AHNAK: variants seen among roughly 807,000 people sequenced by gnomAD.
The protein encoded by AHNAK is AHNAK nucleoprotein, also known as neuroblast differentiation-associated protein AHNAK.
A neutral mutation model predicts 37.8 loss-of-function variants in AHNAK; 23 were observed. That is an observed-to-expected ratio of 0.61 (90% confidence interval 0.44 to 0.86). The LOEUF (loss-of-function observed/expected upper bound fraction) is 0.86. AHNAK is among the 40% of genes least tolerant of loss of function. The pLI is 0.00. For missense variants in AHNAK, 7,411 were observed against 7,319.4 expected, an observed-to-expected ratio of 1.01 and a Z score of -0.46; for synonymous variants, 2,481 against 2,636.3, an observed-to-expected ratio of 0.94 and a Z score of 1.80.
At chr11:62,484,481 G>C (rs1341282791) in intron 5 of AHNAK, among the ~76,000 whole-genome samples, 2 of 152,154 alleles carry the variant, frequency 1.3e-5, no homozygotes, top group Admixed American at 6.5e-5. Context: ...GATCTCTTGC[G>C]AGGTGACATT....
chr11:62,433,600 T>C (rs1042228212), exon 6 of AHNAK: 1 of 528,948 alleles, frequency 1.9e-6, no homozygotes, highest in South Asian at 2.7e-5. Flanking sequence ...CTGAGCACCA[T>C]AGTTGCCAAA....
In AHNAK at chr11:62,529,177, C is replaced by A. The variant is rs373782051; in HGVS notation, c.5240G>T (p.Ser1747Ile). 8.1e-6 allele frequency: 13 copies of A among 1,614,100 alleles called. No homozygotes were observed. Among genetic ancestry groups the A allele is most frequent in the Non-Finnish European group, 1.1e-5 (13 of 1,180,052 alleles). ...PKADIDVSGP[S>I]VDTDAPDLDI... ...CAAATCAGGAGCATCAGTGTCCACA[C>A]TGGGTCCAGACACATCAATGTCAGC... Residue 1747 changes from serine to isoleucine, a missense_variant, in exon 5 of 5, where the codon AGT becomes ATT. Ser to Ile is a moderately radical substitution (Grantham distance 142). Coordinates refer to ENST00000378024, the MANE Select transcript of AHNAK (RefSeq NM_001620.3).
chr11:62,525,798 G>A lies in AHNAK; in HGVS notation c.8619C>T (p.Gly2873=), dbSNP rs750444441. 1.3e-5 allele frequency: 21 copies of A among 1,613,702 alleles called. No individual in the cohort carries two copies. Among genetic ancestry groups the A allele is most frequent in the Non-Finnish European group, 1.8e-5 (21 of 1,179,956 alleles). Reference sequence around the variant, plus strand: ...CTGGGACATCAATGTCCACTTTGGGGCCTTTGAGGTCAACTTCAGGACCTT... The same window carrying A: ...CTGGGACATCAATGTCCACTTTGGGACCTTTGAGGTCAACTTCAGGACCTT... ...DLKGPEVDLK[G]PKVDIDVPDV... The change falls in exon 5 of 5, where the codon GGC becomes GGT. Residue 2873 remains glycine (G), a synonymous_variant. Transcript: ENST00000378024.
At position 62,536,501 on chromosome 11, in the gene AHNAK, T is replaced by TTTTTTTAATGATACG; in HGVS notation, c.-34_-33insCGTATCATTAAAAAA. The TTTTTTTAATGATACG allele has an allele frequency of 6.1e-6, 1 of 165,054 alleles. No individual in the cohort carries two copies. The highest frequency in any genetic ancestry group is 1.3e-5 in the Non-Finnish European group (1 of 76,808). 10.2% of individuals were successfully genotyped at this position (165,054 alleles called of 1,614,324 possible). A position where few individuals can be genotyped will look rare whatever the true frequency, so the allele number is the denominator to read the frequency against. On this transcript the variant is annotated 5_prime_UTR_variant, in exon 2 of 5. Coordinates refer to ENST00000378024, the MANE Select transcript of AHNAK (RefSeq NM_001620.3). The stretch of plus-strand genomic sequence containing the variant: ...GGATTCCGCTCAGGAGCGAATGCCT[T>TTTTTTTAATGATACG]GCCAGGAGCCCGCCCCTCCTTCCTC...
intron 5 of AHNAK, among the ~76,000 whole-genome samples, chr11:62,440,258 A>G (rs1014255945): frequency 2.0e-5 from 3 of 152,070 alleles, no homozygotes; most frequent in Non-Finnish European, 4.4e-5. Flanking sequence ...TCATTTTACG[A>G]TGAGGAAACG....
At chr11:62,438,688 C>A (rs1001458266) in intron 5 of AHNAK, among the ~76,000 whole-genome samples, 1 of 152,064 alleles carries the variant, frequency 6.6e-6, no homozygotes, top group Non-Finnish European at 1.5e-5. Flanking sequence ...ATCGATTTTT[C>A]TTCTGTGGTT....
chr11:62,510,528 G>C (rs1939890798), intron 4 of AHNAK, among the ~76,000 whole-genome samples: 1 of 151,918 alleles, frequency 6.6e-6, no homozygotes, highest in African/African-American at 2.4e-5. Flanking sequence ...TGGATTACCT[G>C]AGGTCAGGAG....
In AHNAK at chr11:62,533,323, C is replaced by A. The variant is rs201078275; in HGVS notation, c.1094G>T (p.Gly365Val). 340 of 1,542,340 alleles carry A rather than the reference C, an allele frequency of 2.2e-4. 2 individuals are homozygous for A. In the Middle Eastern group the frequency reaches 0.01, roughly 47 times the overall value. Reference protein sequence around the residue: ...EVSVPSANIEGLEGKLKGPQI... With the variant: ...EVSVPSANIEVLEGKLKGPQI... ...GGGGCCCTTCAGCTTCCCCTCAAGG[C>A]CCTCAATATTGGCAGAGGGCACACT... Residue 365 changes from glycine (G) to valine (V), a missense_variant, in exon 5 of 5, where the codon GGC becomes GTC. By Grantham distance (109) the Gly-to-Val change is moderately radical. Coordinates refer to ENST00000378024, the MANE Select transcript of AHNAK (RefSeq NM_001620.3).
At chr11:62,481,090 T>G (rs144779745) in intron 5 of AHNAK, among the ~76,000 whole-genome samples, 2 of 12,696 alleles carry the variant, frequency 1.6e-4, no homozygotes, top group East Asian at 1.8e-3. Context: ...CTTTTTTTGG[T>G]TTTTTTTTTT....
intron 5 of AHNAK, among the ~76,000 whole-genome samples, chr11:62,450,313 A>G (rs533979070): frequency 2.4e-4 from 37 of 151,294 alleles, no homozygotes; most frequent in African/African-American, 8.0e-4. Context: ...ACCCACCACC[A>G]CGCCCGGCTA....
In AHNAK at chr11:62,524,162, C is replaced by T; in HGVS notation, c.10255G>A (p.Asp3419Asn). ...GGACTTTTCAAATTTAGCTCCACGT[C>T]AGGCATAGAAACTTTGGGAGATGAA... ...SISSPKVSMP[D>N]VELNLKSPKV... is the part of the protein sequence containing the mutation. Residue 3419 changes from aspartate (D) to asparagine (N), a missense_variant, in exon 5 of 5, where the codon GAC (aspartate) becomes AAC (asparagine). Transcript: ENST00000378024. The T allele has an allele frequency of 6.2e-7, 1 of 1,614,130 alleles. No individual in the cohort carries two copies. The highest frequency in any genetic ancestry group is 8.5e-7 in the Non-Finnish European group (1 of 1,180,026).
chr11:62,460,142 C>G (rs932134274), intron 5 of AHNAK, among the ~76,000 whole-genome samples: 4 of 150,518 alleles, frequency 2.7e-5, no homozygotes, highest in African/African-American at 9.8e-5. Flanking sequence ...AAAAAAAGAG[C>G]TGGGCGTGGT....
At position 62,519,960 on chromosome 11, in the gene AHNAK, A is replaced by C. The variant is rs1940170375; in HGVS notation, c.14457T>G (p.Asp4819Glu). ...GACCTTCGATATTCACATCTGGAAT[A>C]TCAACGTCCACCTTGGGTCCCGAGA... ...IDVSGPKVDV[D>E]IPDVNIEGPD... The change falls in exon 5 of 5, where the codon GAT (aspartate) becomes GAG (glutamate). Residue 4819 changes from aspartate to glutamate, a missense_variant. Asp to Glu is a conservative substitution (Grantham distance 45). Transcript: ENST00000378024. 1 of 1,613,096 alleles carries C rather than the reference A, an allele frequency of 6.2e-7. No homozygotes were observed. Among genetic ancestry groups the C allele is most frequent in the Middle Eastern group, 1.7e-4 (1 of 6,060 alleles).
rs1565228559 is a variant in AHNAK, at chr11:62,522,000, T to C, written c.12417A>G (p.Lys4139=). 1.2e-6 allele frequency: 2 copies of C among 1,613,934 alleles called. No homozygotes were observed. ...ISMPEVDLNL[K]GPKMKGDVDV... ...CCACGTCGCCCTTCATCTTTGGACC[T>C]TTCAGATTCAGGTCAACTTCAGGCA... Residue 4139 remains lysine (K), a synonymous_variant, in exon 5 of 5, where the codon AAA becomes AAG. Transcript: ENST00000378024.
rs368506168 is a variant in AHNAK at position 62,534,092 on chromosome 11, G to A, written c.343-18C>T. 3.3e-5 allele frequency: 50 copies of A among 1,522,234 alleles called. No individual in the cohort carries two copies. Among genetic ancestry groups the A allele is most frequent in the Non-Finnish European group, 3.9e-5 (44 of 1,136,166 alleles). The allele number at this position is 1,522,234 out of a possible 1,614,324, so 94.3% of individuals were successfully genotyped here. ...TCCCCGCTCTGCAGAAAGACACGCC[G>A]GGCAGAGGTTGCAGCAGAGTCTGCC... On this transcript the variant is annotated intron_variant, in intron 4 of 4. Coordinates refer to ENST00000378024, the MANE Select transcript of AHNAK (RefSeq NM_001620.3).
At chr11:62,467,603 T>G (rs1229336473) in intron 5 of AHNAK, among the ~76,000 whole-genome samples, 1 of 152,230 alleles carries the variant, frequency 6.6e-6, no homozygotes, top group Admixed American at 6.5e-5. Context: ...GAGAATTGCT[T>G]GAACCCGGGA....
intron 5 of AHNAK, among the ~76,000 whole-genome samples, chr11:62,438,613 C>T (rs1938232262): frequency 6.6e-6 from 1 of 151,964 alleles, no homozygotes; most frequent in Admixed American, 6.6e-5. Flanking sequence ...CTGAGGCTTG[C>T]CTTTTCATTT....
Position 62,518,178 on chromosome 11 carries a change from G to A in AHNAK, c.16239C>T (p.Ile5413=), listed in dbSNP as rs752602447. ...CGTGCAAGTCGGACCCCGGAGTAGA[G>A]ATGCCAAATTGGGGCAGCTTCATTT... ...LPKMKLPQFG[I]STPGSDLHVN... Residue 5413 remains isoleucine (I), a synonymous_variant, in exon 5 of 5, where the codon ATC becomes ATT. Transcript: ENST00000378024. 2.8e-5 allele frequency: 45 copies of A among 1,614,080 alleles called. No individual in the cohort carries two copies. In the South Asian group the frequency reaches 3.8e-4, roughly 14 times the overall value.
At position 62,525,298 on chromosome 11, in the gene AHNAK, G is replaced by T. The variant is rs765870093; in HGVS notation, c.9119C>A (p.Pro3040Gln). The T allele has an allele frequency of 6.2e-7, 1 of 1,612,956 alleles. No individual in the cohort carries two copies. The highest frequency in any genetic ancestry group is 1.1e-5 in the South Asian group (1 of 91,030). The change falls in exon 5 of 5, where the codon CCA (proline) becomes CAA (glutamine). Residue 3040 changes from proline (P) to glutamine (Q), a missense_variant. Transcript: ENST00000378024. ...CTTGGGCAGGTTCACATCCACATCT[G>T]GGCCCTCTCCTTTGAAGCCAGGCAT... ...FSMPGFKGEG[P>Q]DVDVNLPKAD...
Sources: gnomAD v4.1 joint callset for allele counts (sites outside exome capture counted in the v4.1 genomes callset) on GRCh38, gnomAD v4.1.1 for gene constraint, MANE v1.5 for transcripts, NCBI Gene and HGNC (gene_info 2026-07-23, HGNC 2026-07-21) for gene names.